ZNF536: variants seen among roughly 807,000 people sequenced by gnomAD.
ZNF536 encodes zinc finger protein 536.
Under a neutral mutation model 84.5 loss-of-function variants are expected in ZNF536, and 13 were observed. That is an observed-to-expected ratio of 0.15 (90% confidence interval 0.10 to 0.24). ZNF536 has a LOEUF of 0.24. Among genes scored for constraint, ZNF536 ranks in the 10% least tolerant of loss-of-function variants. The probability of loss-of-function intolerance (pLI) is 1.00; values close to 1 mark genes in which losing one functional copy is unlikely to be tolerated. For synonymous variants in ZNF536, 811 were observed against 742.5 expected, an observed-to-expected ratio of 1.09 and a Z score of -1.50; for missense variants, 1,536 against 1,747.5, an observed-to-expected ratio of 0.88 and a Z score of 2.16.
intron 1 of ZNF536, among the ~76,000 whole-genome samples, chr19:30,652,876 G>A (rs1600156097): frequency 6.6e-6 from 1 of 152,162 alleles, no homozygotes; most frequent in Non-Finnish European, 1.5e-5. Flanking sequence ...AAGCCAGAGA[G>A]GGATTATTCT....
intron 1 of ZNF536, among the ~76,000 whole-genome samples, chr19:30,613,945 C>A (rs7259086): frequency 1.3e-5 from 2 of 152,018 alleles, no homozygotes; most frequent in Non-Finnish European, 2.9e-5. Flanking sequence ...TCACTGCAAC[C>A]TCCGCCTCCT....
intron 1 of ZNF536, among the ~76,000 whole-genome samples, chr19:30,255,579 C>T (rs1275768487): frequency 6.6e-6 from 1 of 152,194 alleles, no homozygotes; most frequent in Non-Finnish European, 1.5e-5. Context: ...AGTGAAACTT[C>T]TTAAATCTGA....
chr19:30,386,910 A>C (rs963921457), intron 1 of ZNF536, among the ~76,000 whole-genome samples: 3 of 152,258 alleles, frequency 2.0e-5, no homozygotes, highest in Admixed American at 6.5e-5. Context: ...GGTCGCCGGC[A>C]TGGACAGCAG....
chr19:30,385,296 C>T (rs774603346), intron 1 of ZNF536, among the ~76,000 whole-genome samples: 44 of 152,210 alleles, frequency 2.9e-4, no homozygotes, highest in Middle Eastern at 6.8e-3. Flanking sequence ...GGTGATGACC[C>T]GATGGGGGTC....
chr19:30,305,532 C>G (rs1322723710), intron 2 of ZNF536, among the ~76,000 whole-genome samples: 1 of 152,158 alleles, frequency 6.6e-6, no homozygotes, highest in Non-Finnish European at 1.5e-5. Context: ...TGGCTTTAAG[C>G]CCCTGAGATA....
At chr19:30,702,200 A>C (rs2052013501) in intron 1 of ZNF536, among the ~76,000 whole-genome samples, 1 of 152,222 alleles carries the variant, frequency 6.6e-6, no homozygotes, top group Non-Finnish European at 1.5e-5. Flanking sequence ...GCAAGTAAGA[A>C]AAATATCTCG....
intron 1 of ZNF536, among the ~76,000 whole-genome samples, chr19:30,694,804 G>T (rs991854278): frequency 7.2e-5 from 11 of 152,196 alleles, no homozygotes; most frequent in Non-Finnish European, 1.5e-5. Flanking sequence ...TGGCCCCCAT[G>T]GGGGAGGCCT....
intron 2 of ZNF536, among the ~76,000 whole-genome samples, chr19:30,453,316 G>T (rs2052694982): frequency 6.6e-6 from 1 of 152,198 alleles, no homozygotes; most frequent in African/African-American, 2.4e-5. Flanking sequence ...GTCTACCTCG[G>T]GGTGCATGTG....
chr19:30,582,735 G>A (rs2046966299), intron 1 of ZNF536, among the ~76,000 whole-genome samples: 1 of 152,118 alleles, frequency 6.6e-6, no homozygotes, highest in Non-Finnish European at 1.5e-5. Context: ...TTACATGGCA[G>A]CAGACAAGAG....
intron 1 of ZNF536, among the ~76,000 whole-genome samples, chr19:30,678,733 G>GC (rs148987682): frequency 0.4 from 53,400 of 132,500 alleles, 10,546 homozygotes; most frequent in East Asian, 0.47. Flanking sequence ...CCACCCCCAA[G>GC]CCCCCCCACA....
At chr19:30,367,179 C>A (rs1398246095) in intron 3 of ZNF536, among the ~76,000 whole-genome samples, 1 of 152,216 alleles carries the variant, frequency 6.6e-6, no homozygotes, top group Non-Finnish European at 1.5e-5. Flanking sequence ...AGACCCTCCG[C>A]CACATCCCTT....
intron 1 of ZNF536, among the ~76,000 whole-genome samples, chr19:30,597,202 C>A (rs2047498134): frequency 6.6e-6 from 1 of 152,170 alleles, no homozygotes. Flanking sequence ...TGGGATGGTC[C>A]CCCTAGGACC....
Position 30,454,905 on chromosome 19 carries a change from C to T in ZNF536, c.2170+9173C>T, listed in dbSNP as rs535270347. ...AAAATTAACCGGGCTTGGTTGTGGG[C>T]GCCTGTAATCCCAGCTACTCGGGAG... On this transcript the variant is annotated intron_variant, in intron 2 of 4. Transcript: ENST00000355537. Among the ~76,000 whole-genome samples the T allele has an allele frequency of 1.9e-3, 284 of 152,228 alleles. 2 individuals carry two copies. Among genetic ancestry groups the T allele is most frequent in the African/African-American group, 6.5e-3 (268 of 41,520 alleles).
intron 2 of ZNF536, among the ~76,000 whole-genome samples, chr19:30,292,461 G>C (rs2045874355): frequency 6.6e-6 from 1 of 151,860 alleles, no homozygotes; most frequent in South Asian, 2.1e-4. Context: ...AGCCTCCCAA[G>C]TAGCTGGGAC....
intron 1 of ZNF536, among the ~76,000 whole-genome samples, chr19:30,256,040 T>G (rs1599909954): frequency 6.6e-6 from 1 of 152,210 alleles, no homozygotes; most frequent in Non-Finnish European, 1.5e-5. Context: ...TGTGGCTCCC[T>G]TGCTGTTCCT....
At chr19:30,623,021 T>G (rs28406427) in intron 1 of ZNF536, among the ~76,000 whole-genome samples, 96 of 36,302 alleles carry the variant, frequency 2.6e-3, no homozygotes, top group African/African-American at 7.8e-3. Flanking sequence ...AAATCTTGTG[T>G]TTTTTTTTTT....
chr19:30,431,992 C>CATATATAT, intron 1 of ZNF536, among the ~76,000 whole-genome samples: 1 of 144,532 alleles, frequency 6.9e-6, no homozygotes, highest in South Asian at 2.3e-4. Context: ...TCATTAAAAG[C>CATATATAT]ATATATATAT....
intron 2 of ZNF536, among the ~76,000 whole-genome samples, chr19:30,500,963 C>G (rs1335422248): frequency 6.6e-6 from 1 of 152,176 alleles, no homozygotes; most frequent in Admixed American, 6.5e-5. Context: ...TTTGTTGAGG[C>G]TCCTTCTGGT....
chr19:30,490,459 G>A (rs1449501997), intron 2 of ZNF536, among the ~76,000 whole-genome samples: 2 of 152,122 alleles, frequency 1.3e-5, no homozygotes, highest in African/African-American at 4.8e-5. Context: ...GAGGAAAGGG[G>A]CCAGCTCACA....
Sources: gnomAD v4.1 joint callset for allele counts (sites outside exome capture counted in the v4.1 genomes callset) on GRCh38, gnomAD v4.1.1 for gene constraint, MANE v1.5 for transcripts, NCBI Gene and HGNC (gene_info 2026-07-23, HGNC 2026-07-21) for gene names.